Variants in SDK1 observed in about 807,000 individuals in gnomAD.
The protein encoded by SDK1 is protein sidekick-1.
SDK1 carries 157 observed loss-of-function variants against 245.5 expected under a neutral mutation model. That is an observed-to-expected ratio of 0.64 (90% CI 0.56 to 0.73). The LOEUF is 0.73. Ranked by LOEUF, SDK1 falls within the 30% of genes least tolerant of loss-of-function variation. SDK1 has a pLI of 0.00. For synonymous variants in SDK1, 1,647 were observed against 1,278.5 expected (o/e 1.29, Z -6.15); for missense variants, 3,583 against 3,002.3 (o/e 1.19, Z -4.52).
chr7:3,761,979 T>A (rs1034771717), intron 4 of SDK1, among the ~76,000 whole-genome samples: 4 of 152,166 alleles, frequency 2.6e-5, no homozygotes, highest in African/African-American at 9.7e-5. Context: ...GCTAGTGAAA[T>A]GCTTTCTTTG....
In SDK1 at chr7:3,933,213, T is replaced by C. The variant is rs534063400; in HGVS notation, c.848-17710T>C. ...ACAGCCTTGACCTCCTGGGCTCAAG[T>C]GATCCTCCTGTCTCAGACTCCTGAG... On this transcript the variant is annotated intron_variant, in intron 5 of 44. Coordinates refer to ENST00000404826, the MANE Select transcript of SDK1 (RefSeq NM_152744.4). Among the ~76,000 whole-genome samples, 33 of 145,220 alleles carry C rather than the reference T, an allele frequency of 2.3e-4. 2 individuals are homozygous for C. In the South Asian group the frequency reaches 6.8e-3, roughly 30 times the overall value.
intron 4 of SDK1, among the ~76,000 whole-genome samples, chr7:3,645,287 T>C (rs1253071631): frequency 6.6e-6 from 1 of 152,214 alleles, no homozygotes; most frequent in Non-Finnish European, 1.5e-5. Context: ...TTGGTAAATC[T>C]CTAATCTCAG....
intron 1 of SDK1, among the ~76,000 whole-genome samples, chr7:3,577,255 G>A (rs1780324318): frequency 6.6e-6 from 1 of 152,028 alleles, no homozygotes; most frequent in South Asian, 2.1e-4. Flanking sequence ...CATGGTCCCA[G>A]TAACAATGAG....
At chr7:4,224,702 C>T (rs756858295) in intron 40 of SDK1, among the ~76,000 whole-genome samples, 3 of 151,958 alleles carry the variant, frequency 2.0e-5, no homozygotes, top group Admixed American at 6.6e-5. Context: ...CCCATGGTGC[C>T]GAGAGCAGAT....
intron 1 of SDK1, among the ~76,000 whole-genome samples, chr7:3,517,795 C>T (rs1450288788): frequency 6.6e-6 from 1 of 152,176 alleles, no homozygotes; most frequent in Admixed American, 6.6e-5. Context: ...TGCATTTCCT[C>T]TCCTAGGTCA....
Position 4,138,458 on chromosome 7 carries a change from A to C in SDK1, c.4228+6035A>C, listed in dbSNP as rs77802797. 4.4e-3 allele frequency among the ~76,000 whole-genome samples: 675 copies of C among 152,214 alleles called. 4 individuals are homozygous for C. The highest frequency in any genetic ancestry group is 0.015 in the African/African-American group (629 of 41,534). ...TACTCATATGCGTAGAAAAATGATT[A>C]CCAAAGGCCAGGCATGGTGGCTCAT... On this transcript the variant is annotated intron_variant, in intron 28 of 44. Coordinates refer to ENST00000404826, the MANE Select transcript of SDK1 (RefSeq NM_152744.4).
intron 5 of SDK1, among the ~76,000 whole-genome samples, chr7:3,911,170 G>A (rs1440989553): frequency 2.6e-5 from 4 of 152,168 alleles, no homozygotes; most frequent in African/African-American, 9.7e-5. Flanking sequence ...AAACCTGAAG[G>A]CACATGTGCT....
At chr7:4,024,624 T>C (rs1201775713) in intron 17 of SDK1, among the ~76,000 whole-genome samples, 2 of 152,314 alleles carry the variant, frequency 1.3e-5, no homozygotes, top group East Asian at 3.9e-4. Flanking sequence ...TTCACTGTCT[T>C]ACTCCATTCA....
intron 4 of SDK1, among the ~76,000 whole-genome samples, chr7:3,721,177 C>T (rs997779712): frequency 2.0e-5 from 3 of 152,106 alleles, no homozygotes; most frequent in Admixed American, 2.0e-4. Context: ...GGAACTGTTC[C>T]CTCTCTTGGT....
At chr7:3,697,998 C>A (rs918271941) in intron 4 of SDK1, among the ~76,000 whole-genome samples, 5 of 152,114 alleles carry the variant, frequency 3.3e-5, no homozygotes, top group African/African-American at 1.2e-4. Context: ...ATGAATGGCA[C>A]AGTGCTGGCA....
chr7:4,126,728 A>T (rs1433912263), intron 25 of SDK1, among the ~76,000 whole-genome samples: 1 of 152,218 alleles, frequency 6.6e-6, no homozygotes, highest in Non-Finnish European at 1.5e-5. Flanking sequence ...TTACATGTGT[A>T]TGGGTCGAGA....
chr7:4,251,855 T>C (rs1787322973), intron 44 of SDK1, among the ~76,000 whole-genome samples: 2 of 152,218 alleles, frequency 1.3e-5, no homozygotes, highest in Non-Finnish European at 2.9e-5. Flanking sequence ...CTGTGAACAA[T>C]ATTCCCTTTA....
chr7:4,062,127 TATA>T (rs558489932), intron 19 of SDK1, among the ~76,000 whole-genome samples: 4 of 151,516 alleles, frequency 2.6e-5, no homozygotes, highest in African/African-American at 4.8e-5. Context: ...AAACTTAAAG[TATA>T]ATAATAATAA....
chr7:4,084,724 ATGTTATGT>A (rs59703961), intron 22 of SDK1, among the ~76,000 whole-genome samples: 14,307 of 115,106 alleles, frequency 0.12, 815 homozygotes, highest in African/African-American at 0.21. Flanking sequence ...ATGTTATGTT[ATGTTATGT>A]TGTTACTTAA....
intron 1 of SDK1, among the ~76,000 whole-genome samples, chr7:3,555,189 A>G (rs374610769): frequency 1.3e-5 from 2 of 152,362 alleles, no homozygotes; most frequent in East Asian, 1.9e-4. Flanking sequence ...GTTATACTAC[A>G]GAGCTATAGT....
Position 4,233,020 on chromosome 7 carries a change from CCAGTT to C in SDK1, c.5828-230_5828-226del, listed in dbSNP as rs1358885454. On this transcript the variant is annotated intron_variant, in intron 40 of 44. Transcript: ENST00000404826. ...TTCCCACTATGACCATTTCAAGTGTCCAGTTCAGTAGCATTGAGCACGTTGTTCTA... is the reference window on the plus strand; with the variant it reads ...TTCCCACTATGACCATTTCAAGTGTCCAGTAGCATTGAGCACGTTGTTCTA... The C allele has an allele frequency of 8.6e-5, 39 of 452,356 alleles. No homozygotes were observed. In the East Asian group the frequency reaches 1.3e-3, roughly 15 times the overall value. The allele number at this position is 452,356 out of a possible 1,614,324, so 28.0% of individuals were successfully genotyped here.
At chr7:4,047,649 T>C (rs1789117362) in intron 17 of SDK1, among the ~76,000 whole-genome samples, 1 of 152,208 alleles carries the variant, frequency 6.6e-6, no homozygotes, top group Non-Finnish European at 1.5e-5. Context: ...CGGCCATTCA[T>C]TGAGGATTTT....
chr7:3,985,283 T>C (rs1471256037), intron 13 of SDK1, among the ~76,000 whole-genome samples: 1 of 152,274 alleles, frequency 6.6e-6, no homozygotes, highest in African/African-American at 2.4e-5. Context: ...ATACATTCTT[T>C]ATGATAAACC....
At chr7:3,743,201 C>A (rs897699694) in intron 4 of SDK1, among the ~76,000 whole-genome samples, 3 of 152,024 alleles carry the variant, frequency 2.0e-5, no homozygotes, top group African/African-American at 7.2e-5. Context: ...GGTGGGGAGA[C>A]TCATGTGAGG....
Sources: allele counts gnomAD v4.1 joint callset (sites outside exome capture counted in the v4.1 genomes callset), GRCh38; gene constraint gnomAD v4.1.1; transcripts MANE v1.5; gene names NCBI Gene and HGNC (gene_info 2026-07-23, HGNC 2026-07-21).